AGO4: variants seen among roughly 807,000 people sequenced by gnomAD.
AGO4 encodes the protein argonaute RISC component 4.
Under a neutral mutation model 104.7 loss-of-function variants are expected in AGO4, and 33 were observed. The ratio of observed to expected loss-of-function variants is 0.32; its 90% CI spans 0.24 to 0.42. The LOEUF (loss-of-function observed/expected upper bound fraction) is 0.42, where lower values mean the gene tolerates loss of function less well. Among genes scored for constraint, AGO4 ranks in the 10% least tolerant of loss-of-function variants. The probability of loss-of-function intolerance (pLI) is 1.00; values close to 1 mark genes in which losing one functional copy is unlikely to be tolerated. For synonymous variants in AGO4, 331 were observed against 364.7 expected (o/e 0.91, Z 1.05); for missense variants, 711 against 1,083.4 (o/e 0.66, Z 4.83).
At chr1:35,844,720 G>C (rs189586748) in intron 15 of AGO4, among the ~76,000 whole-genome samples, 8 of 151,986 alleles carry the variant, frequency 5.3e-5, no homozygotes, top group African/African-American at 1.9e-4. Context: ...GGTCAATTAC[G>C]CATTATTTTT....
Position 35,857,876 on chromosome 1 carries a change from C to T in AGO4, c.*4271C>T, listed in dbSNP as rs1205845612. The T allele has an allele frequency of 6.6e-6, 1 of 152,140 alleles. No homozygotes were observed. Among genetic ancestry groups the T allele is most frequent in the Non-Finnish European group, 1.5e-5 (1 of 68,020 alleles). The allele number at this position is 152,140 out of a possible 1,614,324, so 9.4% of individuals were successfully genotyped here. ...TGTGTCAATTAAAACTAAAATAAAA[C>T]TTTTAAAAAAGAAATTTCTATTTGA... On this transcript the variant is annotated 3_prime_UTR_variant, in exon 18 of 18. Coordinates refer to ENST00000373210, the MANE Select transcript of AGO4 (RefSeq NM_017629.4).
At chr1:35,814,987 C>T (rs1484716613) in intron 1 of AGO4, among the ~76,000 whole-genome samples, 2 of 152,138 alleles carry the variant, frequency 1.3e-5, no homozygotes, top group African/African-American at 4.8e-5. Flanking sequence ...AAGCGATTCT[C>T]CTGCCTCAGC....
intron 8 of AGO4, 65 bp downstream of exon 8, chr1:35,831,639 T>C (rs1439261985): frequency 4.5e-6 from 7 of 1,562,448 alleles, no homozygotes; most frequent in Non-Finnish European, 6.1e-6. Context: ...TTAAGTAGAG[T>C]TCTAAACTAG....
intron 2 of AGO4, 123 bp downstream of exon 2, chr1:35,817,170 T>A: frequency 9.4e-7 from 1 of 1,059,260 alleles, no homozygotes; most frequent in Non-Finnish European, 1.3e-6. Context: ...ATAGGTTTCT[T>A]AATAGCAGGT....
intron 13 of AGO4, among the ~76,000 whole-genome samples, chr1:35,836,265 AT>A (rs1489779975): frequency 6.6e-6 from 1 of 152,192 alleles, no homozygotes; most frequent in African/African-American, 2.4e-5. Context: ...TGAGCTTCAT[AT>A]AAATGGAATC....
chr1:35,829,437 T>C (rs932316417), intron 7 of AGO4, among the ~76,000 whole-genome samples: 1 of 152,204 alleles, frequency 6.6e-6, no homozygotes, highest in East Asian at 1.9e-4. Flanking sequence ...ATTAGACTTA[T>C]AGACGTATAT....
Position 35,808,646 on chromosome 1 carries a change from C to T in AGO4, c.19+211C>T, listed in dbSNP as rs1643381986. On this transcript the variant is annotated intron_variant, in intron 1 of 17. Transcript: ENST00000373210. This position sits in a 1 kb window ranked among gnomAD's most constrained non-coding sequence, Gnocchi z 5.2. ...CCGGCCGTTGGGTGGATCCCGAGGT[C>T]CAGGGGGGAGGTTCGGGAAGGTGAC... 6.6e-6 allele frequency among the ~76,000 whole-genome samples: 1 copy of T among 152,046 alleles called. No individual in the cohort carries two copies.
Position 35,831,959 on chromosome 1 carries a change from G to T in AGO4, c.1116+28G>T, listed in dbSNP as rs771710176. The T allele has an allele frequency of 1.9e-6, 3 of 1,611,020 alleles. No individual in the cohort carries two copies. In the East Asian group the frequency reaches 6.7e-5, roughly 36 times the overall value. On this transcript the variant is annotated intron_variant, in intron 9 of 17. Coordinates refer to ENST00000373210, the MANE Select transcript of AGO4 (RefSeq NM_017629.4). ...CAGTAAGGCATGGTCTTCAAGATGA[G>T]CTAGCTTTGAGATGACAAAAAACAA...
intron 2 of AGO4, among the ~76,000 whole-genome samples, chr1:35,820,672 T>G (rs1486861628): frequency 6.6e-6 from 1 of 152,100 alleles, no homozygotes; most frequent in Admixed American, 6.6e-5. Context: ...AAGTTTGATT[T>G]TTTTTTTTAG....
intron 2 of AGO4, among the ~76,000 whole-genome samples, chr1:35,818,875 C>T (rs906195027): frequency 2.0e-5 from 3 of 152,036 alleles, no homozygotes; most frequent in Admixed American, 6.6e-5. Context: ...AAACCCACAA[C>T]GTGACTAAAT....
intron 13 of AGO4, among the ~76,000 whole-genome samples, chr1:35,839,104 C>G (rs1644381212): frequency 6.6e-6 from 1 of 152,134 alleles, no homozygotes; most frequent in Non-Finnish European, 1.5e-5. Flanking sequence ...CCTCAGCCTC[C>G]CAACTAGCTG....
chr1:35,831,919 G>A lies in AGO4; in HGVS notation c.1104G>A (p.Glu368=), dbSNP rs1436374740. 6.2e-7 allele frequency: 1 copy of A among 1,614,098 alleles called. No individual in the cohort carries two copies. The highest frequency in any genetic ancestry group is 1.1e-5 in the South Asian group (1 of 91,064). Residue 368 remains glutamate, a synonymous_variant, in exon 9 of 18, where the codon GAG becomes GAA. Transcript: ENST00000373210. Reference sequence around the variant, plus strand: ...GATCTGCTCCTGACAGACAGGAAGAGATCAGTAGACTGGTCAGTAAGGCAT... The same window carrying A: ...GATCTGCTCCTGACAGACAGGAAGAAATCAGTAGACTGGTCAGTAAGGCAT... ...TARSAPDRQE[E]ISRLVKSNSM...
rs376413749 is a variant in AGO4, at chr1:35,833,949, CT to C, written c.1380-40del. 1.0e-5 allele frequency: 14 copies of C among 1,393,072 alleles called. No homozygotes were observed. The African/African-American group carries it at 2.0e-4, about 20-fold the overall frequency. The allele number at this position is 1,393,072 out of a possible 1,614,324, so 86.3% of individuals were successfully genotyped here. On this transcript the variant is annotated intron_variant, in intron 11 of 17. Coordinates refer to ENST00000373210, the MANE Select transcript of AGO4 (RefSeq NM_017629.4). ...GGAAAATGAATGCTAGAAATGTACT[CT>C]GAAATGAAAAAAACCGTGTTACTGG...
chr1:35,852,862 A>G (rs75732563), intron 17 of AGO4, among the ~76,000 whole-genome samples: 1 of 152,222 alleles, frequency 6.6e-6, no homozygotes, highest in Non-Finnish European at 1.5e-5. Flanking sequence ...GAAATTAGCC[A>G]GACATAGTGG....
chr1:35,823,293 C>T (rs1432081486), intron 3 of AGO4, among the ~76,000 whole-genome samples: 3 of 150,438 alleles, frequency 2.0e-5, no homozygotes, highest in Non-Finnish European at 4.4e-5. Flanking sequence ...CGCTCTGTCA[C>T]CCAGGCTGGA....
chr1:35,835,072 G>A (rs921758215), intron 12 of AGO4, among the ~76,000 whole-genome samples: 9 of 148,430 alleles, frequency 6.1e-5, no homozygotes, highest in Non-Finnish European at 1.2e-4. Flanking sequence ...GTGCAGTGGC[G>A]CAATCTTGAC....
Position 35,841,811 on chromosome 1 carries a change from C to CATATATAT in AGO4, c.2175+81_2175+88dup, listed in dbSNP as rs5773512. On this transcript the variant is annotated intron_variant, in intron 15 of 17. Transcript: ENST00000373210. The surrounding 1 kb of genome is among the most constrained non-coding windows in gnomAD (Gnocchi z 4.7). ...CTCTGGCAAGAGATGTATATATGCA[C>CATATATAT]ATATATATATATATATATATATATA... 4.9e-4 allele frequency: 299 copies of CATATATAT among 606,444 alleles called. No individual in the cohort carries two copies. The African/African-American group carries it at 5.2e-3, about 10-fold the overall frequency. 37.6% of individuals were successfully genotyped at this position (606,444 alleles called of 1,614,324 possible). A position where few individuals can be genotyped will look rare whatever the true frequency, so the allele number is the denominator to read the frequency against.
At chr1:35,826,210 C>A in intron 6 of AGO4, 150 bp downstream of exon 6, 1 of 901,748 alleles carries the variant, frequency 1.1e-6, no homozygotes, top group Non-Finnish European at 1.7e-6. Context: ...CACTGTGAAC[C>A]TTAGTGTATT....
chr1:35,821,204 G>T (rs1643880180), intron 2 of AGO4, among the ~76,000 whole-genome samples: 1 of 152,162 alleles, frequency 6.6e-6, no homozygotes, highest in Non-Finnish European at 1.5e-5. Flanking sequence ...TGTAAGATGA[G>T]AAATTACTCT....
Sources: gnomAD v4.1 joint callset for allele counts (sites outside exome capture counted in the v4.1 genomes callset) on GRCh38, gnomAD v4.1.1 for gene constraint, Gnocchi (gnomAD v3.1) non-coding constraint, MANE v1.5 for transcripts, NCBI Gene and HGNC (gene_info 2026-07-23, HGNC 2026-07-21) for gene names.